The following CEP131 variants were observed in gnomAD, a reference collection of about 807,000 sequenced individuals.
CEP131 encodes centrosomal protein 131, also known as centrosomal protein of 131 kDa.
A neutral mutation model predicts 136.8 loss-of-function variants in CEP131; 99 were observed. The ratio of observed to expected loss-of-function variants is 0.72; its 90% CI spans 0.62 to 0.86. The LOEUF (loss-of-function observed/expected upper bound fraction) is 0.86, where lower values mean the gene tolerates loss of function less well. Among genes scored for constraint, CEP131 ranks in the 40% least tolerant of loss-of-function variants. The pLI is 0.00. For synonymous variants in CEP131, 646 were observed against 612.7 expected (o/e 1.05, Z -0.80); for missense variants, 1,459 against 1,463.0 (o/e 1.00, Z 0.04).
intron 1 of CEP131, among the ~76,000 whole-genome samples, 164 bp from the exon 2 acceptor site, chr17:81,220,237 C>T (rs78768992): frequency 6.6e-6 from 1 of 152,330 alleles, no homozygotes; most frequent in East Asian, 1.9e-4. Context: ...GGCTCCTCGA[C>T]AGGAACATGA....
chr17:81,218,661 G>A (rs1020739465), intron 2 of CEP131, among the ~76,000 whole-genome samples: 7 of 152,276 alleles, frequency 4.6e-5, no homozygotes, highest in African/African-American at 1.7e-4. Context: ...CAGGCTTTGG[G>A]AACCTGCTTG....
intron 2 of CEP131, among the ~76,000 whole-genome samples, chr17:81,214,253 G>T (rs1214255276): frequency 6.6e-6 from 1 of 152,148 alleles, no homozygotes; most frequent in South Asian, 2.1e-4. Context: ...AACATAAAAG[G>T]TTTATTTTTA....
rs569171486 is a variant in CEP131, at chr17:81,197,570, C to T, written c.1647+142G>A. The T allele has an allele frequency of 1.9e-4, 240 of 1,250,726 alleles. 3 individuals are homozygous for T. The South Asian group carries it at 3.3e-3, about 17-fold the overall frequency. The allele number at this position is 1,250,726 out of a possible 1,614,324, so 77.5% of individuals were successfully genotyped here. A position where few individuals can be genotyped will look rare whatever the true frequency, so the allele number is the denominator to read the frequency against. Reference sequence around the variant, plus strand: ...GTGAGGGACCACCTCCTGCTGGGGGCCGGGTGGGGGCTGGCGAGAGACCTC... The same window carrying T: ...GTGAGGGACCACCTCCTGCTGGGGGTCGGGTGGGGGCTGGCGAGAGACCTC... On this transcript the variant is annotated intron_variant, in intron 13 of 25. Coordinates refer to ENST00000450824, the MANE Select transcript of CEP131 (RefSeq NM_014984.4).
At position 81,203,546 on chromosome 17, in the gene CEP131, A is replaced by G; in HGVS notation, c.577T>C (p.Ser193Pro). Residue 193 changes from serine to proline, a missense_variant, in exon 6 of 26, where the codon TCG becomes CCG. Coordinates refer to ENST00000450824, the MANE Select transcript of CEP131 (RefSeq NM_014984.4). The surrounding 1 kb of genome is among the most constrained non-coding windows in gnomAD (Gnocchi z 4.6). ...CTCTTGAGCGGAGGCGCCCTCTCCG[A>G]GGGGGTGTAGCGGTTGTGCACCATG... ...TTMVHNRYTP[S>P]ERAPPLKSSN... 1 of 1,608,960 alleles carries G rather than the reference A, an allele frequency of 6.2e-7. No homozygotes were observed. Among genetic ancestry groups the G allele is most frequent in the Non-Finnish European group, 8.5e-7 (1 of 1,178,412 alleles).
At chr17:81,190,095 A>G in intron 24 of CEP131, 120 bp from the exon 25 acceptor site, 1 of 903,380 alleles carries the variant, frequency 1.1e-6, no homozygotes, top group Non-Finnish European at 1.6e-6. Flanking sequence ...CCTGCTGACC[A>G]CGACTCCTGT....
Position 81,196,975 on chromosome 17 carries a change from C to A in CEP131, c.1728G>T (p.Glu576Asp). 1 of 1,607,822 alleles carries A rather than the reference C, an allele frequency of 6.2e-7. No individual in the cohort carries two copies. Among genetic ancestry groups the A allele is most frequent in the South Asian group, 1.1e-5 (1 of 89,864 alleles). ...VSTSVMRLKL[E>D]VEEKKQAMLL... ...GCATGGCCTGCTTCTTCTCCTCCAC[C>A]TCCAGCTTCAGCCGCATCACAGACG... Residue 576 changes from glutamate (E) to aspartate (D), a missense_variant, in exon 14 of 26, where the codon GAG becomes GAT. Transcript: ENST00000450824.
In CEP131 at chr17:81,208,885, TC is replaced by T; in HGVS notation, c.272+42del. The T allele has an allele frequency of 6.6e-7, 1 of 1,510,942 alleles. No individual in the cohort carries two copies. 93.6% of individuals were successfully genotyped at this position (1,510,942 alleles called of 1,614,324 possible). On this transcript the variant is annotated intron_variant, in intron 3 of 25. Coordinates refer to ENST00000450824, the MANE Select transcript of CEP131 (RefSeq NM_014984.4). This position sits in a 1 kb window ranked among gnomAD's most constrained non-coding sequence, Gnocchi z 5.6. ...GCAGGCCAGGGTGGGGCACCTGAGGTCCCGGGAAGGGGCCAGGGTTATCCAA... is the reference window on the plus strand; with the variant it reads ...GCAGGCCAGGGTGGGGCACCTGAGGTCCGGGAAGGGGCCAGGGTTATCCAA...
chr17:81,194,957 TGA>T lies in CEP131; in HGVS notation c.2030_2031del (p.Leu677GlnfsTer18), dbSNP rs756752594. ...TTCTCGGTGGCGCTCATTAATTCTTTGAGTTTTTTAATCTCCTACGAGCAGAA... is the reference window on the plus strand; with the variant it reads ...TTCTCGGTGGCGCTCATTAATTCTTTGTTTTTTAATCTCCTACGAGCAGAA... ...QAQHELEIKKLKELMSATEKA... is the reference protein window; with the variant it reads ...QAQHELEIKKXKELMSATEKA... On this transcript the variant is annotated frameshift_variant, in exon 17 of 26. Transcript: ENST00000450824. LOFTEE classifies it high-confidence loss of function. The T allele has an allele frequency of 6.3e-7, 1 of 1,582,324 alleles. No homozygotes were observed. The highest frequency in any genetic ancestry group is 1.1e-5 in the South Asian group (1 of 90,118).
At position 81,202,331 on chromosome 17, in the gene CEP131, CAT is replaced by C; in HGVS notation, c.695_696del (p.Asn232SerfsTer30). The C allele has an allele frequency of 6.2e-7, 1 of 1,613,758 alleles. No individual in the cohort carries two copies. Among genetic ancestry groups the C allele is most frequent in the Non-Finnish European group, 8.5e-7 (1 of 1,179,942 alleles). ...ESSGFGKLPK[N>X]VSSATHSARN... ...CGGGCTGAGTGGGTGGCACTGGAGACATTCTTCGGCAGCTTCCCAAAGCCGCT... is the reference window on the plus strand; with the variant it reads ...CGGGCTGAGTGGGTGGCACTGGAGACTCTTCGGCAGCTTCCCAAAGCCGCT... On this transcript the variant is annotated frameshift_variant, in exon 7 of 26. Coordinates refer to ENST00000450824, the MANE Select transcript of CEP131 (RefSeq NM_014984.4). LOFTEE classifies it high-confidence loss of function.
intron 17 of CEP131, 93 bp downstream of exon 17, chr17:81,194,777 A>G (rs1054889404): frequency 2.9e-6 from 3 of 1,040,134 alleles, no homozygotes; most frequent in African/African-American, 3.1e-5. Context: ...GTCTCGGACT[A>G]CATGAATGCC....
At chr17:81,194,170 G>T in intron 17 of CEP131, 43 bp from the exon 18 acceptor site, 1 of 1,450,802 alleles carries the variant, frequency 6.9e-7, no homozygotes, top group South Asian at 1.5e-5. Flanking sequence ...AGCTAGGGTG[G>T]GCCCGGGAAG....
At position 81,189,831 on chromosome 17, in the gene CEP131, G is replaced by A. The variant is rs371210650; in HGVS notation, c.3181C>T (p.Arg1061Trp). The A allele has an allele frequency of 8.5e-5, 137 of 1,611,804 alleles. No homozygotes were observed. The highest frequency in any genetic ancestry group is 2.3e-4 in the African/African-American group (17 of 75,014). ...LRTQHEAAVK[R>W]ADHLEELLEQ... ...AGCAGCTCCTCCAGGTGGTCGGCCC[G>A]CTTCACCGCAGCCTGCAGCACACCC... The change falls in exon 26 of 26, where the codon CGG becomes TGG. Residue 1061 changes from arginine to tryptophan, a missense_variant. Transcript: ENST00000450824.
chr17:81,202,212 C>G lies in CEP131; in HGVS notation c.788+28G>C, dbSNP rs201757869. Reference sequence around the variant, plus strand: ...CCACCTCTGTGTTCTAGGCTCAGGCCCCCCCCCACCGCCCCAAGATCGGTC... The same window carrying G: ...CCACCTCTGTGTTCTAGGCTCAGGCGCCCCCCCACCGCCCCAAGATCGGTC... On this transcript the variant is annotated intron_variant, in intron 7 of 25. Transcript: ENST00000450824. The G allele has an allele frequency of 8.0e-6, 12 of 1,507,950 alleles. No homozygotes were observed. In the African/African-American group the frequency reaches 1.3e-4, roughly 16 times the overall value. The allele number at this position is 1,507,950 out of a possible 1,614,324, so 93.4% of individuals were successfully genotyped here.
chr17:81,206,854 G>A lies in CEP131; in HGVS notation c.405C>T (p.Gly135=). Residue 135 remains glycine, a synonymous_variant, in exon 5 of 26, where the codon GGC becomes GGT. Coordinates refer to ENST00000450824, the MANE Select transcript of CEP131 (RefSeq NM_014984.4). ...TCCGGGCATTGGATGGCAAGGTGAA[G>A]CCCCGGGGCTGGTCATCCTGTCAGA... ...TWNVLDDQPR[G]FTLPSNARSS... The A allele has an allele frequency of 1.2e-6, 2 of 1,613,798 alleles. No homozygotes were observed. The highest frequency in any genetic ancestry group is 1.7e-6 in the Non-Finnish European group (2 of 1,179,994).
chr17:81,197,802 C>G lies in CEP131; in HGVS notation c.1557G>C (p.Thr519=), dbSNP rs1004315876. ...SAFPEPPEDG[T]LLSEAKLQSI... is the part of the protein sequence containing the mutation. ...TTTGTAGCTTGGCCTCCGATAGCAGCGTCCCATCCTCAGGAGGTTCGGGGA... is the reference window on the plus strand; with the variant it reads ...TTTGTAGCTTGGCCTCCGATAGCAGGGTCCCATCCTCAGGAGGTTCGGGGA... Residue 519 remains threonine, a synonymous_variant, in exon 13 of 26, where the codon ACG becomes ACC. Coordinates refer to ENST00000450824, the MANE Select transcript of CEP131 (RefSeq NM_014984.4). 3 of 1,613,194 alleles carry G rather than the reference C, an allele frequency of 1.9e-6. No homozygotes were observed. In the African/African-American group the frequency reaches 4.0e-5, roughly 22 times the overall value.
rs556045766 is a variant in CEP131 at position 81,219,744 on chromosome 17, G to A, written c.177+136C>T. ...AGACTCAAGTCCTACCTGCCTCCTG[G>A]AACAGCCACGAGGATCCAGCATGTC... On this transcript the variant is annotated intron_variant, in intron 2 of 25. Coordinates refer to ENST00000450824, the MANE Select transcript of CEP131 (RefSeq NM_014984.4). This position sits in a 1 kb window ranked among gnomAD's most constrained non-coding sequence, Gnocchi z 4.0. The A allele has an allele frequency of 5.2e-4, 495 of 945,520 alleles. No individual in the cohort carries two copies. Among genetic ancestry groups the A allele is most frequent in the Middle Eastern group, 2.1e-3 (9 of 4,206 alleles). The allele number at this position is 945,520 out of a possible 1,614,324, so 58.6% of individuals were successfully genotyped here.
intron 2 of CEP131, among the ~76,000 whole-genome samples, chr17:81,218,071 C>G (rs1392817658): frequency 6.9e-6 from 1 of 145,124 alleles, no homozygotes; most frequent in East Asian, 2.1e-4. Flanking sequence ...GAGACAGAGT[C>G]TTGCTCTTTC....
At chr17:81,192,960 G>A in intron 18 of CEP131, 117 bp from the exon 19 acceptor site, 1 of 1,453,590 alleles carries the variant, frequency 6.9e-7, no homozygotes, top group Non-Finnish European at 9.1e-7. Context: ...CAGCCCTCCG[G>A]GGCCCTGCCC....
chr17:81,189,765 C>A lies in CEP131; in HGVS notation c.*4G>T. ...TTCTTCGACAGTGTTCCCGGCATCC[C>A]TGGTCACTTGGTACTTGGCGTGGGC... On this transcript the variant is annotated 3_prime_UTR_variant, in exon 26 of 26. Transcript: ENST00000450824. The A allele has an allele frequency of 6.3e-7, 1 of 1,596,556 alleles. No individual in the cohort carries two copies.
Sources: gnomAD v4.1 joint callset for allele counts (sites outside exome capture counted in the v4.1 genomes callset) on GRCh38, gnomAD v4.1.1 for gene constraint, Gnocchi (gnomAD v3.1) non-coding constraint, MANE v1.5 for transcripts, NCBI Gene and HGNC (gene_info 2026-07-23, HGNC 2026-07-21) for gene names.